Variants in CLINT1 observed in about 807,000 individuals in gnomAD.
CLINT1 encodes the protein clathrin interacting protein localized in the trans-Golgi region.
A neutral mutation model predicts 70.4 loss-of-function variants in CLINT1; 15 were observed. That is an observed-to-expected ratio of 0.21 (90% CI 0.14 to 0.33). CLINT1 has a LOEUF of 0.33. CLINT1 is among the 10% of genes least tolerant of loss of function. The pLI, the probability that CLINT1 is intolerant of heterozygous loss-of-function variation, is 1.00. For synonymous variants in CLINT1, 227 were observed against 254.7 expected (o/e 0.89, Z 1.04); for missense variants, 615 against 778.1 (o/e 0.79, Z 2.49).
chr5:157,792,472 C>T (rs553908175), intron 9 of CLINT1, among the ~76,000 whole-genome samples: 128 of 152,208 alleles, frequency 8.4e-4, no homozygotes, highest in Admixed American at 2.8e-3. Flanking sequence ...CGCTTGAACC[C>T]GGGAGGCGGA....
intron 8 of CLINT1, among the ~76,000 whole-genome samples, chr5:157,801,983 C>G (rs111385463): frequency 6.6e-6 from 1 of 151,790 alleles, no homozygotes; most frequent in Non-Finnish European, 1.5e-5. Context: ...CAAACTCCAC[C>G]TCCTGGGTTC....
At chr5:157,851,243 A>C (rs1753562928) in intron 1 of CLINT1, among the ~76,000 whole-genome samples, 1 of 152,208 alleles carries the variant, frequency 6.6e-6, no homozygotes, top group Non-Finnish European at 1.5e-5. Context: ...TGAATGAAAC[A>C]TTTCATTCAA....
chr5:157,846,996 T>C (rs1753404859), intron 1 of CLINT1, among the ~76,000 whole-genome samples: 1 of 152,216 alleles, frequency 6.6e-6, no homozygotes, highest in Admixed American at 6.5e-5. Flanking sequence ...GGAGCTCTGA[T>C]GGAGACGTAC....
At chr5:157,824,309 T>C (rs898492885) in intron 1 of CLINT1, among the ~76,000 whole-genome samples, 1 of 152,232 alleles carries the variant, frequency 6.6e-6, no homozygotes, top group African/African-American at 2.4e-5. Context: ...TAATATCAAG[T>C]TATATTTCAT....
intron 1 of CLINT1, among the ~76,000 whole-genome samples, chr5:157,845,086 C>T (rs1263765661): frequency 2.0e-5 from 3 of 152,200 alleles, no homozygotes; most frequent in Admixed American, 6.5e-5. Flanking sequence ...CAGTGGCTCA[C>T]GCCTGTAATC....
chr5:157,830,796 C>CTCTCTATATATATA (rs1300619885), intron 1 of CLINT1, among the ~76,000 whole-genome samples: 2 of 85,720 alleles, frequency 2.3e-5, no homozygotes, highest in African/African-American at 1.0e-4. Context: ...CTCTCTCTCT[C>CTCTCTATATATATA]TATATATATA....
chr5:157,847,671 G>A (rs1401308250), intron 1 of CLINT1, among the ~76,000 whole-genome samples: 14 of 152,108 alleles, frequency 9.2e-5, no homozygotes, highest in Admixed American at 3.9e-4. Context: ...AATTAGGAGC[G>A]GAGCCTGAAG....
chr5:157,811,953 A>G (rs963526896), intron 5 of CLINT1, among the ~76,000 whole-genome samples: 1 of 152,102 alleles, frequency 6.6e-6, no homozygotes, highest in Non-Finnish European at 1.5e-5. Flanking sequence ...TTTAGGAGAA[A>G]TATTTTTGCC....
chr5:157,805,471 A>G (rs1374507116), intron 7 of CLINT1, among the ~76,000 whole-genome samples: 2 of 152,364 alleles, frequency 1.3e-5, no homozygotes, highest in African/African-American at 4.8e-5. Context: ...ATTACATGAG[A>G]TAACTTGCCC....
intron 1 of CLINT1, among the ~76,000 whole-genome samples, chr5:157,821,176 A>G (rs367559848): frequency 6.7e-6 from 1 of 148,192 alleles, no homozygotes; most frequent in Non-Finnish European, 1.5e-5. Context: ...AATTATCATT[A>G]TAACACTTAA....
At chr5:157,849,685 G>C (rs1371077878) in intron 1 of CLINT1, among the ~76,000 whole-genome samples, 12 of 152,094 alleles carry the variant, frequency 7.9e-5, no homozygotes, top group Admixed American at 7.9e-4. Context: ...GCACACTCTT[G>C]GCATTCTGTG....
rs1753598713 is a variant in CLINT1, at chr5:157,852,190, A to C, written c.41+6740T>G. On this transcript the variant is annotated intron_variant, in intron 1 of 11. Coordinates refer to ENST00000411809, the MANE Select transcript of CLINT1 (RefSeq NM_014666.4). ...TCTTGAGAATACACAAAACAAGCTG[A>C]ACAAAATATTAAGAATTGGCAGATG... is the stretch of plus-strand genomic sequence containing the variant. Among the ~76,000 whole-genome samples, 5 of 152,360 alleles carry C rather than the reference A, an allele frequency of 3.3e-5. No homozygotes were observed. The South Asian group carries it at 1.0e-3, about 32-fold the overall frequency.
chr5:157,849,025 T>C (rs1753482134), intron 1 of CLINT1, among the ~76,000 whole-genome samples: 1 of 151,852 alleles, frequency 6.6e-6, no homozygotes, highest in South Asian at 2.1e-4. Context: ...CTTGAACTCC[T>C]GACCTCAAGT....
chr5:157,799,605 T>A (rs28631158), intron 8 of CLINT1, among the ~76,000 whole-genome samples: 1 of 152,062 alleles, frequency 6.6e-6, no homozygotes, highest in East Asian at 1.9e-4. Context: ...AAGAGACAAG[T>A]TGGACTTCTT....
chr5:157,808,948 A>G (rs1762463953), intron 6 of CLINT1: 1 of 152,146 alleles, frequency 6.6e-6, no homozygotes, highest in Non-Finnish European at 1.5e-5. Context: ...ACAAGTTTTT[A>G]CTGGGGAAAA....
At chr5:157,797,391 TTTTC>T (rs1217351427) in intron 8 of CLINT1, among the ~76,000 whole-genome samples, 1 of 152,144 alleles carries the variant, frequency 6.6e-6, no homozygotes, top group East Asian at 1.9e-4. Flanking sequence ...TCTTTTCTGT[TTTTC>T]TTTGTTTTTG....
At chr5:157,796,638 T>C (rs568941736) in intron 8 of CLINT1, among the ~76,000 whole-genome samples, 9 of 152,202 alleles carry the variant, frequency 5.9e-5, no homozygotes, top group Non-Finnish European at 1.5e-5. Context: ...GCTTCCAACA[T>C]CTGGTGCCAT....
Position 157,787,888 on chromosome 5 carries a change from CT to C in CLINT1, c.1635del (p.Ile545MetfsTer7). On this transcript the variant is annotated frameshift_variant, in exon 12 of 12. Transcript: ENST00000411809. LOFTEE classifies it high-confidence loss of function. ...LPVRPQTNAL[I>X]GGPMPMSMPN... ...GGCATGCTCATAGGCATGGGTCCCCCTATCAAAGCATTAGTTTGGGGCCGGA... is the reference window on the plus strand; with the variant it reads ...GGCATGCTCATAGGCATGGGTCCCCCATCAAAGCATTAGTTTGGGGCCGGA... 1 of 1,613,800 alleles carries C rather than the reference CT, an allele frequency of 6.2e-7. No individual in the cohort carries two copies. The highest frequency in any genetic ancestry group is 8.5e-7 in the Non-Finnish European group (1 of 1,179,818).
Position 157,858,869 on chromosome 5 carries a change from C to T in CLINT1, c.41+61G>A, listed in dbSNP as rs1194071033. ...GGCAACCCCTAGCCCAAGGCCAGCT[C>T]CTTCTCCCCCTCCCCCCTCCCCCAC... On this transcript the variant is annotated intron_variant, in intron 1 of 11. Coordinates refer to ENST00000411809, the MANE Select transcript of CLINT1 (RefSeq NM_014666.4). 8.5e-6 allele frequency: 9 copies of T among 1,064,324 alleles called. No individual in the cohort carries two copies. The Admixed American group carries it at 1.7e-4, about 20-fold the overall frequency. 65.9% of individuals were successfully genotyped at this position (1,064,324 alleles called of 1,614,324 possible).
Sources: gnomAD v4.1 joint callset for allele counts (sites outside exome capture counted in the v4.1 genomes callset) on GRCh38, gnomAD v4.1.1 for gene constraint, MANE v1.5 for transcripts, NCBI Gene and HGNC (gene_info 2026-07-23, HGNC 2026-07-21) for gene names.